Variants in ANKS1B observed in about 807,000 individuals in gnomAD.
ANKS1B encodes the protein ankyrin repeat and sterile alpha motif domain-containing protein 1B.
A neutral mutation model predicts 148.3 loss-of-function variants in ANKS1B; 36 were observed. The ratio of observed to expected loss-of-function variants is 0.24; its 90% CI spans 0.19 to 0.32. ANKS1B has a LOEUF of 0.32. Ranked by LOEUF, ANKS1B falls within the 10% of genes least tolerant of loss-of-function variation. The probability of loss-of-function intolerance (pLI) is 1.00; values close to 1 mark genes in which losing one functional copy is unlikely to be tolerated. For synonymous variants in ANKS1B, 542 were observed against 560.8 expected, an observed-to-expected ratio of 0.97 and a Z score of 0.47; for missense variants, 1,157 against 1,542.6, an observed-to-expected ratio of 0.75 and a Z score of 4.19.
At chr12:98,735,016 G>A (rs1474837266) in exon 10 of ANKS1B, 1 of 389,812 alleles carries the variant, frequency 2.6e-6, no homozygotes, top group African/African-American at 2.1e-5. Flanking sequence ...GGGAGGCTAA[G>A]ACAGGAGGAT....
chr12:99,216,871 G>C (rs1044453963), intron 14 of ANKS1B, among the ~76,000 whole-genome samples: 2 of 152,190 alleles, frequency 1.3e-5, no homozygotes, highest in Non-Finnish European at 2.9e-5. Flanking sequence ...ACTAAGTTCT[G>C]ATCAATGGTA....
At chr12:99,695,433 A>C (rs2053739451) in intron 8 of ANKS1B, among the ~76,000 whole-genome samples, 1 of 152,214 alleles carries the variant, frequency 6.6e-6, no homozygotes, top group Admixed American at 6.5e-5. Flanking sequence ...CTCACAGTCT[A>C]ATGTGCACTG....
chr12:98,862,308 T>C (rs1386586095), intron 17 of ANKS1B, among the ~76,000 whole-genome samples: 3 of 152,192 alleles, frequency 2.0e-5, no homozygotes, highest in Non-Finnish European at 4.4e-5. Context: ...GAGTTATTTA[T>C]GGTTCCCTAC....
At chr12:98,753,337 G>A (rs2098141607) in intron 25 of ANKS1B, among the ~76,000 whole-genome samples, 1 of 152,226 alleles carries the variant, frequency 6.6e-6, no homozygotes, top group Admixed American at 6.5e-5. Flanking sequence ...AGGTCACAGA[G>A]CATCAGAGAA....
intron 14 of ANKS1B, among the ~76,000 whole-genome samples, chr12:99,172,566 A>G (rs2077896561): frequency 6.6e-6 from 1 of 152,162 alleles, no homozygotes; most frequent in Non-Finnish European, 1.5e-5. Flanking sequence ...TGTGAAAGAA[A>G]TTTAGTCTGC....
intron 14 of ANKS1B, among the ~76,000 whole-genome samples, chr12:99,178,252 A>G (rs2078644724): frequency 6.6e-6 from 1 of 152,174 alleles, no homozygotes; most frequent in Non-Finnish European, 1.5e-5. Context: ...TTTTAAAATC[A>G]TGATTATCCA....
chr12:99,415,759 C>CG (rs1483005070), intron 11 of ANKS1B, among the ~76,000 whole-genome samples: 1 of 151,570 alleles, frequency 6.6e-6, no homozygotes, highest in Non-Finnish European at 1.5e-5. Flanking sequence ...TCTCGGCTCA[C>CG]GGCAAGCTCC....
chr12:98,849,520 T>C (rs1169377163), intron 17 of ANKS1B, among the ~76,000 whole-genome samples: 5 of 152,192 alleles, frequency 3.3e-5, no homozygotes, highest in African/African-American at 1.2e-4. Flanking sequence ...ATGAAGCACT[T>C]GAATCTTACA....
chr12:99,139,113 C>T (rs765307569), intron 15 of ANKS1B, among the ~76,000 whole-genome samples: 4 of 151,420 alleles, frequency 2.6e-5, no homozygotes, highest in Admixed American at 6.6e-5. Flanking sequence ...GCAATCCTTG[C>T]GCCTCAGCCT....
chr12:99,621,568 C>T (rs2098051139), intron 9 of ANKS1B, among the ~76,000 whole-genome samples: 1 of 151,348 alleles, frequency 6.6e-6, no homozygotes, highest in Admixed American at 6.6e-5. Context: ...AAAGATCTAC[C>T]ATGCAAACAG....
chr12:98,918,350 T>C (rs1424940414), intron 17 of ANKS1B, among the ~76,000 whole-genome samples: 6 of 152,170 alleles, frequency 3.9e-5, no homozygotes, highest in Non-Finnish European at 7.3e-5. Flanking sequence ...GGTGGGACCA[T>C]GTGTAAGCGG....
chr12:99,756,434 G>T (rs1392446641), intron 8 of ANKS1B, among the ~76,000 whole-genome samples: 6 of 151,808 alleles, frequency 4.0e-5, no homozygotes, highest in Non-Finnish European at 8.8e-5. Context: ...AATCAGAGAT[G>T]ACACAAACAA....
At chr12:99,199,909 AGAGATGCTTG>A (rs2081866760) in intron 14 of ANKS1B, among the ~76,000 whole-genome samples, 1 of 152,188 alleles carries the variant, frequency 6.6e-6, no homozygotes, top group Admixed American at 6.5e-5. Context: ...CAAAAGCATC[AGAGATGCTTG>A]GAGCAGGGAG....
At chr12:99,093,731 A>C (rs1437026650) in intron 15 of ANKS1B, 1 of 152,238 alleles carries the variant, frequency 6.6e-6, no homozygotes, top group Non-Finnish European at 1.5e-5. Context: ...AGATTCGTTA[A>C]TTCTTCAAAG....
At chr12:98,766,453 C>T (rs1296542135) in intron 25 of ANKS1B, among the ~76,000 whole-genome samples, 1 of 152,196 alleles carries the variant, frequency 6.6e-6, no homozygotes, top group Non-Finnish European at 1.5e-5. Context: ...TAGGTTGCCA[C>T]TTTGTATGCA....
In ANKS1B at chr12:99,494,591, G is replaced by A. The variant is rs1449322862; in HGVS notation, c.1438+9885C>T. The stretch of plus-strand genomic sequence containing the variant: ...TACTAAAAATACAAAAAATTAGCCG[G>A]GCGTGGTGGCGGGCGCCTGTAGTCC... On this transcript the variant is annotated intron_variant, in intron 10 of 26. Coordinates refer to ENST00000683438, the MANE Select transcript of ANKS1B (RefSeq NM_001352186.2). 3.3e-5 allele frequency among the ~76,000 whole-genome samples: 5 copies of A among 151,820 alleles called. No individual in the cohort carries two copies. In the East Asian group the frequency reaches 7.8e-4, roughly 24 times the overall value.
intron 1 of ANKS1B, among the ~76,000 whole-genome samples, chr12:99,826,486 T>C (rs1299265792): frequency 1.3e-5 from 2 of 152,190 alleles, no homozygotes; most frequent in East Asian, 1.9e-4. Flanking sequence ...CATGGATCAA[T>C]TGGAAGAAGG....
At chr12:99,788,625 C>T (rs952520758) in intron 4 of ANKS1B, among the ~76,000 whole-genome samples, 1 of 152,100 alleles carries the variant, frequency 6.6e-6, no homozygotes, top group African/African-American at 2.4e-5. Flanking sequence ...CCTAAGGTAC[C>T]ACTTCGGCCA....
At chr12:99,047,244 A>G (rs1411683944) in intron 17 of ANKS1B, among the ~76,000 whole-genome samples, 2 of 152,128 alleles carry the variant, frequency 1.3e-5, no homozygotes, top group Non-Finnish European at 2.9e-5. Context: ...CACTAAAAAT[A>G]CAAAAATTAG....
Sources: gnomAD v4.1 joint callset for allele counts (sites outside exome capture counted in the v4.1 genomes callset) on GRCh38, gnomAD v4.1.1 for gene constraint, MANE v1.5 for transcripts, NCBI Gene and HGNC (gene_info 2026-07-23, HGNC 2026-07-21) for gene names.